BCAS3: variants seen among roughly 807,000 people sequenced by gnomAD.
BCAS3 encodes BCAS4/BCAS3 fusion.
In BCAS3, 53 loss-of-function variants were observed where a neutral mutation model predicts 116.1. That is an observed-to-expected ratio of 0.46 (90% confidence interval 0.37 to 0.57). BCAS3 has a LOEUF of 0.57. Ranked by LOEUF, BCAS3 falls within the 20% of genes least tolerant of loss-of-function variation. BCAS3 has a pLI of 0.00. For synonymous variants in BCAS3, 391 were observed against 408.2 expected, an observed-to-expected ratio of 0.96 and a Z score of 0.51; for missense variants, 917 against 1,165.4, an observed-to-expected ratio of 0.79 and a Z score of 3.10.
chr17:60,712,684 A>G (rs2038079804), intron 5 of BCAS3, among the ~76,000 whole-genome samples: 1 of 152,178 alleles, frequency 6.6e-6, no homozygotes, highest in South Asian at 2.1e-4. Flanking sequence ...GGTGAAGGGA[A>G]TTATCCCCTC....
At chr17:60,757,193 C>T (rs899099832) in intron 6 of BCAS3, among the ~76,000 whole-genome samples, 2 of 150,864 alleles carry the variant, frequency 1.3e-5, no homozygotes, top group Admixed American at 6.6e-5. Flanking sequence ...CTTCTAAATA[C>T]AAAAATTAGC....
rs1046029050 is a variant in BCAS3 at position 61,136,172 on chromosome 17, C to G, written c.2425+51608C>G. 1.3e-5 allele frequency among the ~76,000 whole-genome samples: 2 copies of G among 152,196 alleles called. No individual in the cohort carries two copies. The highest frequency in any genetic ancestry group is 2.4e-5 in the African/African-American group (1 of 41,430). On this transcript the variant is annotated intron_variant, in intron 22 of 23. Coordinates refer to ENST00000407086, the MANE Select transcript of BCAS3 (RefSeq NM_017679.5). This position sits in a 1 kb window ranked among gnomAD's most constrained non-coding sequence, Gnocchi z 4.4. ...ACCTATTTAAATGTTTTCCCGTGCT[C>G]TTCCCTCTACATAAAATCATTTCTT...
Position 60,947,259 on chromosome 17 carries a change from T to C in BCAS3, c.1128T>C (p.Phe376=), listed in dbSNP as rs761961552. The C allele has an allele frequency of 8.1e-6, 13 of 1,613,028 alleles. No homozygotes were observed. Among genetic ancestry groups the C allele is most frequent in the Non-Finnish European group, 1.0e-5 (12 of 1,179,178 alleles). Residue 376 remains phenylalanine (F), a synonymous_variant, in exon 14 of 24, where the codon TTT becomes TTC. Transcript: ENST00000407086. ...CAACAGACACCCTTGGCCATGACTT[T>C]CATGTCTTCCAAATTCTGACTCATC... ...LVTTDTLGHD[F]HVFQILTHPW... is the part of the protein sequence containing the mutation.
At position 61,259,818 on chromosome 17, in the gene BCAS3, G is replaced by T. The variant is rs1000071264; in HGVS notation, c.2426-108509G>T. 6.6e-6 allele frequency among the ~76,000 whole-genome samples: 1 copy of T among 152,116 alleles called. No homozygotes were observed. Among genetic ancestry groups the T allele is most frequent in the Non-Finnish European group, 1.5e-5 (1 of 68,014 alleles). ...GCTGATCCTCCTAGTGCTTTTAGGGGCACCTGAGGTCACTTTTTGCCATAA... is the reference window on the plus strand; with the variant it reads ...GCTGATCCTCCTAGTGCTTTTAGGGTCACCTGAGGTCACTTTTTGCCATAA... On this transcript the variant is annotated intron_variant, in intron 22 of 23. Transcript: ENST00000407086. The surrounding 1 kb of genome is among the most constrained non-coding windows in gnomAD (Gnocchi z 4.7).
rs1039183883 is a variant in BCAS3 at position 61,323,421 on chromosome 17, T to G, written c.2426-44906T>G. Reference sequence around the variant, plus strand: ...CGGGTTCTAGTCTCAGCTTTGACCCTCCCTGGTAAGCTGTATAATCACAGG... The same window carrying G: ...CGGGTTCTAGTCTCAGCTTTGACCCGCCCTGGTAAGCTGTATAATCACAGG... On this transcript the variant is annotated intron_variant, in intron 22 of 23. Coordinates refer to ENST00000407086, the MANE Select transcript of BCAS3 (RefSeq NM_017679.5). The surrounding 1 kb of genome is among the most constrained non-coding windows in gnomAD (Gnocchi z 4.6). Among the ~76,000 whole-genome samples, 17 of 152,224 alleles carry G rather than the reference T, an allele frequency of 1.1e-4. No individual in the cohort carries two copies. Among genetic ancestry groups the G allele is most frequent in the African/African-American group, 3.4e-4 (14 of 41,460 alleles).
chr17:60,759,648 A>AT (rs2043327476), intron 6 of BCAS3, among the ~76,000 whole-genome samples: 1 of 115,580 alleles, frequency 8.7e-6, no homozygotes, highest in Non-Finnish European at 1.7e-5. Flanking sequence ...TTTTTTTTTT[A>AT]CTGTTTTTGT....
chr17:60,775,324 C>A (rs1243505655), intron 6 of BCAS3, among the ~76,000 whole-genome samples: 1 of 152,054 alleles, frequency 6.6e-6, no homozygotes, highest in African/African-American at 2.4e-5. Context: ...TTAAACTTTC[C>A]TTCTCCTCTT....
At chr17:61,210,932 T>C (rs2081421133) in intron 22 of BCAS3, among the ~76,000 whole-genome samples, 2 of 152,040 alleles carry the variant, frequency 1.3e-5, no homozygotes. Flanking sequence ...TCTTTTCAGA[T>C]AGAGTCTGAA....
intron 6 of BCAS3, among the ~76,000 whole-genome samples, chr17:60,769,773 A>T (rs904918243): frequency 1.3e-5 from 2 of 151,340 alleles, no homozygotes; most frequent in African/African-American, 4.9e-5. Flanking sequence ...AATTTTTTTT[A>T]ATTTTTTTTT....
At chr17:61,373,259 T>C (rs1042167099) in intron 23 of BCAS3, among the ~76,000 whole-genome samples, 1 of 151,964 alleles carries the variant, frequency 6.6e-6, no homozygotes, top group Non-Finnish European at 1.5e-5. Flanking sequence ...TGGCTAATTT[T>C]TGTATTTTTT....
chr17:60,859,884 T>A (rs941038264), intron 7 of BCAS3, among the ~76,000 whole-genome samples: 10 of 152,150 alleles, frequency 6.6e-5, no homozygotes, highest in African/African-American at 2.4e-4. Context: ...ACGACATTTT[T>A]AAAATCCAGT....
rs1295052914 is a variant in BCAS3 at position 61,188,993 on chromosome 17, C to T, written c.2425+104429C>T. ...TGGTGCATGCCTATAGTCCCAGCTA[C>T]TTGGGAGGTTAAAGCAGGAGAATTG... On this transcript the variant is annotated intron_variant, in intron 22 of 23. Coordinates refer to ENST00000407086, the MANE Select transcript of BCAS3 (RefSeq NM_017679.5). This position sits in a 1 kb window ranked among gnomAD's most constrained non-coding sequence, Gnocchi z 4.0. Among the ~76,000 whole-genome samples, 1 of 152,060 alleles carries T rather than the reference C, an allele frequency of 6.6e-6. No individual in the cohort carries two copies. Among genetic ancestry groups the T allele is most frequent in the Non-Finnish European group, 1.5e-5 (1 of 68,026 alleles).
chr17:61,071,293 T>C (rs2143424894), intron 19 of BCAS3, among the ~76,000 whole-genome samples: 1 of 152,328 alleles, frequency 6.6e-6, no homozygotes, highest in East Asian at 1.9e-4. Context: ...AATAAGTAAC[T>C]AATTATTTTC....
intron 17 of BCAS3, among the ~76,000 whole-genome samples, chr17:61,035,740 G>T (rs1354267619): frequency 6.6e-6 from 1 of 152,112 alleles, no homozygotes; most frequent in African/African-American, 2.4e-5. Flanking sequence ...AACCTCGGAT[G>T]GTACGGAGCC....
intron 6 of BCAS3, among the ~76,000 whole-genome samples, chr17:60,750,600 A>G (rs749504743): frequency 3.3e-5 from 5 of 152,242 alleles, no homozygotes; most frequent in Non-Finnish European, 7.3e-5. Flanking sequence ...AGAATTAATC[A>G]GTGAATTTAG....
chr17:60,895,861 T>G (rs902460276), intron 10 of BCAS3, among the ~76,000 whole-genome samples: 1 of 152,220 alleles, frequency 6.6e-6, no homozygotes, highest in Non-Finnish European at 1.5e-5. Flanking sequence ...CTAGTTTTAG[T>G]CCATTGTGGT....
At chr17:60,694,361 C>T (rs187445698) in intron 4 of BCAS3, among the ~76,000 whole-genome samples, 119 of 151,874 alleles carry the variant, frequency 7.8e-4, no homozygotes, top group African/African-American at 2.4e-3. Context: ...ATTAGCTGGG[C>T]GTGGTGGCAT....
At chr17:60,826,414 AT>A (rs2050429639) in intron 7 of BCAS3, among the ~76,000 whole-genome samples, 1 of 152,020 alleles carries the variant, frequency 6.6e-6, no homozygotes, top group African/African-American at 2.4e-5. Flanking sequence ...GGCTCAAGTG[AT>A]TCTCTCGTGT....
chr17:60,759,627 C>CT (rs2043319197), intron 6 of BCAS3, among the ~76,000 whole-genome samples: 1 of 134,932 alleles, frequency 7.4e-6, no homozygotes, highest in African/African-American at 2.7e-5. Flanking sequence ...TACATAGTGA[C>CT]TTCTTTTTTT....
Sources: gnomAD v4.1 joint callset for allele counts (sites outside exome capture counted in the v4.1 genomes callset) on GRCh38, gnomAD v4.1.1 for gene constraint, Gnocchi (gnomAD v3.1) non-coding constraint, MANE v1.5 for transcripts, NCBI Gene and HGNC (gene_info 2026-07-23, HGNC 2026-07-21) for gene names.